The following RALGPS2 variants were observed in gnomAD, a reference collection of about 807,000 sequenced individuals.
The protein encoded by RALGPS2 is Ral GEF with PH domain and SH3 binding motif 2.
In RALGPS2, 43 loss-of-function variants were observed where a neutral mutation model predicts 86.8. That is an observed-to-expected ratio of 0.50 (90% CI 0.39 to 0.64). The LOEUF is 0.64. Among genes scored for constraint, RALGPS2 ranks in the 30% least tolerant of loss-of-function variants. The pLI is 0.00. For missense variants in RALGPS2, 536 were observed against 694.6 expected (o/e 0.77, Z 2.57); for synonymous variants, 243 against 231.3 (o/e 1.05, Z -0.46).
intron 6 of RALGPS2, among the ~76,000 whole-genome samples, chr1:178,814,555 C>T (rs1327366601): frequency 6.6e-6 from 1 of 152,200 alleles, no homozygotes; most frequent in Non-Finnish European, 1.5e-5. Flanking sequence ...CCTACCTCAG[C>T]CTCCCGAATA....
intron 1 of RALGPS2, among the ~76,000 whole-genome samples, chr1:178,765,917 C>T (rs1046706042): frequency 1.6e-4 from 25 of 152,168 alleles, no homozygotes; most frequent in African/African-American, 2.4e-4. Flanking sequence ...CCCTGAACAT[C>T]GCTGTTATCC....
intron 17 of RALGPS2, among the ~76,000 whole-genome samples, chr1:178,898,350 A>G (rs887637992): frequency 1.3e-5 from 2 of 151,986 alleles, no homozygotes; most frequent in African/African-American, 4.8e-5. Flanking sequence ...TTGGGGGAGA[A>G]AAATTACGTG....
At chr1:178,748,085 C>T (rs909789349) in intron 1 of RALGPS2, among the ~76,000 whole-genome samples, 5 of 151,756 alleles carry the variant, frequency 3.3e-5, no homozygotes, top group Non-Finnish European at 5.9e-5. Context: ...TTTGGGAGGC[C>T]GAGGCGGGTG....
intron 6 of RALGPS2, among the ~76,000 whole-genome samples, chr1:178,813,744 G>A (rs924930582): frequency 1.3e-5 from 2 of 152,158 alleles, no homozygotes; most frequent in African/African-American, 4.8e-5. Context: ...TAGTCTTGAA[G>A]CAGAATTTCT....
chr1:178,853,661 C>T (rs548240641), intron 8 of RALGPS2: 1 of 1,612,432 alleles, frequency 6.2e-7, no homozygotes, highest in East Asian at 2.2e-5. Flanking sequence ...AACAGTCCAA[C>T]CCCCAGGGTC....
intron 17 of RALGPS2, among the ~76,000 whole-genome samples, chr1:178,900,713 A>T (rs1379786065): frequency 1.3e-5 from 2 of 152,008 alleles, no homozygotes; most frequent in East Asian, 3.8e-4. Flanking sequence ...ATCCCCCATT[A>T]ATACGTAAAA....
At position 178,813,762 on chromosome 1, in the gene RALGPS2, GA is replaced by G. The variant is rs544342928; in HGVS notation, c.387+2361del. ...TCTTGAAGCAGAATTTCTTTTCCAG[GA>G]AACACCAATTTTCAATGTTAAAGCC... On this transcript the variant is annotated intron_variant, in intron 6 of 19. Coordinates refer to ENST00000367635, the MANE Select transcript of RALGPS2 (RefSeq NM_152663.5). Among the ~76,000 whole-genome samples the G allele has an allele frequency of 1.8e-3, 273 of 152,214 alleles. 3 individuals carry two copies. Among genetic ancestry groups the G allele is most frequent in the African/African-American group, 6.2e-3 (259 of 41,532 alleles).
intron 17 of RALGPS2, among the ~76,000 whole-genome samples, chr1:178,898,199 A>G (rs1371727106): frequency 6.6e-6 from 1 of 152,002 alleles, no homozygotes; most frequent in Non-Finnish European, 1.5e-5. Context: ...GCCTCTTTTC[A>G]CCCTGTAGAA....
intron 3 of RALGPS2, among the ~76,000 whole-genome samples, chr1:178,784,944 A>C (rs1558118338): frequency 6.6e-6 from 1 of 151,950 alleles, no homozygotes; most frequent in African/African-American, 2.4e-5. Flanking sequence ...TCTTAATATA[A>C]ATTTATTTGT....
chr1:178,781,047 T>C (rs1028332609), intron 2 of RALGPS2, among the ~76,000 whole-genome samples: 6 of 151,924 alleles, frequency 3.9e-5, no homozygotes, highest in African/African-American at 1.4e-4. Context: ...TATTTTTAAC[T>C]ATATATCCAG....
intron 1 of RALGPS2, chr1:178,746,798 C>T (rs905604562): frequency 1.3e-5 from 13 of 1,001,102 alleles, no homozygotes; most frequent in Admixed American, 6.8e-5. Context: ...CATACGTTTC[C>T]GTAGAACACT....
Position 178,791,443 on chromosome 1 carries a change from A to G in RALGPS2, c.213+5836A>G, listed in dbSNP as rs145164045. On this transcript the variant is annotated intron_variant, in intron 4 of 19. Coordinates refer to ENST00000367635, the MANE Select transcript of RALGPS2 (RefSeq NM_152663.5). ...ACCAGGCTGAAAACTATTTAAATCA[A>G]TGCTCATTTTTGTGTTTCCACATGT... is the stretch of plus-strand genomic sequence containing the variant. 3.5e-4 allele frequency among the ~76,000 whole-genome samples: 53 copies of G among 152,176 alleles called. 1 individual carries two copies. Among genetic ancestry groups the G allele is most frequent in the African/African-American group, 7.9e-4 (33 of 41,526 alleles).
intron 13 of RALGPS2, among the ~76,000 whole-genome samples, chr1:178,886,631 C>T (rs149020665): frequency 2.5e-4 from 38 of 151,970 alleles, no homozygotes; most frequent in African/African-American, 7.5e-4. Context: ...TGAAGATATA[C>T]GAGAGGTAGC....
chr1:178,811,264 A>G, intron 5 of RALGPS2, 51 bp from the exon 6 acceptor site: 1 of 1,406,458 alleles, frequency 7.1e-7, no homozygotes, highest in Non-Finnish European at 9.6e-7. Flanking sequence ...CAGCAAAAAA[A>G]CTTACAAATT....
Position 178,892,276 on chromosome 1 carries a change from A to G in RALGPS2, c.1294A>G (p.Asn432Asp). ...SLGPVTRVARNGYRSHMKASS... is the reference protein window; with the variant it reads ...SLGPVTRVARDGYRSHMKASS... Reference sequence around the variant, plus strand: ...CGGCCCGGTGACAAGAGTGGCACGAAATGGCTATCGAAGTCACATGAAGGC... The same window carrying G: ...CGGCCCGGTGACAAGAGTGGCACGAGATGGCTATCGAAGTCACATGAAGGC... The change falls in exon 15 of 20, where the codon AAT (asparagine) becomes GAT (aspartate). Residue 432 changes from asparagine to aspartate, a missense_variant. Around this residue, in one of 3 missense-constraint regions of RALGPS2, gnomAD observed 309 missense variants for 363.0 expected, o/e 0.85. Coordinates refer to ENST00000367635, the MANE Select transcript of RALGPS2 (RefSeq NM_152663.5). The G allele has an allele frequency of 6.2e-6, 10 of 1,612,796 alleles. No individual in the cohort carries two copies. The highest frequency in any genetic ancestry group is 7.6e-6 in the Non-Finnish European group (9 of 1,179,128).
At chr1:178,782,362 G>A (rs907533721) in intron 2 of RALGPS2, among the ~76,000 whole-genome samples, 3 of 152,176 alleles carry the variant, frequency 2.0e-5, no homozygotes, top group Non-Finnish European at 2.9e-5. Context: ...CTAGCAGGAG[G>A]AGGAAAGAAG....
intron 14 of RALGPS2, 87 bp downstream of exon 14, chr1:178,889,783 C>T (rs1456717575): frequency 3.6e-5 from 33 of 905,008 alleles, no homozygotes; most frequent in Non-Finnish European, 2.4e-5. Flanking sequence ...ATAATATTTA[C>T]TACATATCCC....
intron 4 of RALGPS2, among the ~76,000 whole-genome samples, chr1:178,796,607 C>T (rs1280306713): frequency 2.6e-5 from 4 of 152,084 alleles, no homozygotes; most frequent in African/African-American, 9.7e-5. Flanking sequence ...GGCTTTTTCT[C>T]TCTTCTATCT....
rs1331278356 is a variant in RALGPS2, at chr1:178,892,303, A to G, written c.1321A>G (p.Ser441Gly). The G allele has an allele frequency of 6.2e-7, 1 of 1,612,376 alleles. No individual in the cohort carries two copies. The highest frequency in any genetic ancestry group is 1.7e-5 in the Admixed American group (1 of 59,864). The change falls in exon 15 of 20, where the codon AGC becomes GGC. Residue 441 changes from serine to glycine, a missense_variant. This residue lies in a region of RALGPS2 where 309 missense variants were observed against 363.0 expected (regional missense o/e 0.85). Coordinates refer to ENST00000367635, the MANE Select transcript of RALGPS2 (RefSeq NM_152663.5). ...RNGYRSHMKA[S>G]SSAESEDLAV... ...TGGCTATCGAAGTCACATGAAGGCC[A>G]GCAGGTACAATTCCCCTGCATTCAG...
Sources: gnomAD v4.1 joint callset for allele counts (sites outside exome capture counted in the v4.1 genomes callset) on GRCh38, gnomAD v4.1.1 for gene constraint, gnomAD v4.1.1 regional missense constraint, MANE v1.5 for transcripts, NCBI Gene and HGNC (gene_info 2026-07-23, HGNC 2026-07-21) for gene names.